Variants in VRK1 observed in about 807,000 individuals in gnomAD.
VRK1 encodes VRK serine/threonine kinase 1, also known as serine/threonine-protein kinase VRK1.
In VRK1, 33 loss-of-function variants were observed where a neutral mutation model predicts 57.1. The ratio of observed to expected loss-of-function variants is 0.58; its 90% confidence interval spans 0.44 to 0.77. The LOEUF is 0.77. VRK1 is among the 30% of genes least tolerant of loss of function. VRK1 has a pLI of 0.00. For missense variants in VRK1, 413 were observed against 477.3 expected (o/e 0.87, Z 1.25); for synonymous variants, 137 against 147.8 (o/e 0.93, Z 0.53).
At position 96,847,415 on chromosome 14, in the gene VRK1, A is replaced by G. The variant is rs967901280; in HGVS notation, c.374+71A>G. 167 of 1,237,770 alleles carry G rather than the reference A, an allele frequency of 1.3e-4. 1 individual carries two copies. The highest frequency in any genetic ancestry group is 3.8e-4 in the Middle Eastern group (2 of 5,278). The allele number at this position is 1,237,770 out of a possible 1,614,324, so 76.7% of individuals were successfully genotyped here. A position where few individuals can be genotyped will look rare whatever the true frequency, so the allele number is the denominator to read the frequency against. On this transcript the variant is annotated intron_variant, in intron 5 of 12. Transcript: ENST00000216639. The stretch of plus-strand genomic sequence containing the variant: ...TCACTATTTAGTTGGTTTAGTCAGT[A>G]ATTATTTACTGATCACTTACAATAT...
intron 1 of VRK1, among the ~76,000 whole-genome samples, chr14:96,822,302 T>C (rs1886634641): frequency 6.6e-6 from 1 of 152,220 alleles, no homozygotes; most frequent in South Asian, 2.1e-4. Flanking sequence ...AGGCAGTATG[T>C]ATTGTAATAA....
chr14:96,846,463 C>T (rs1887698125), intron 4 of VRK1, among the ~76,000 whole-genome samples: 1 of 152,058 alleles, frequency 6.6e-6, no homozygotes, highest in Non-Finnish European at 1.5e-5. Context: ...GGTAGAGAGC[C>T]AGAACCTCTC....
intron 1 of VRK1, among the ~76,000 whole-genome samples, chr14:96,807,216 GA>G (rs979705674): frequency 1.3e-5 from 2 of 152,140 alleles, no homozygotes; most frequent in Non-Finnish European, 2.9e-5. Flanking sequence ...TTAAAGTTTT[GA>G]CCATTAGAAA....
chr14:96,800,651 A>T (rs1054232868), intron 1 of VRK1, among the ~76,000 whole-genome samples: 6 of 152,186 alleles, frequency 3.9e-5, no homozygotes, highest in Non-Finnish European at 7.4e-5. Context: ...AGGTAAGTAT[A>T]TGGATTTTGA....
intron 1 of VRK1, among the ~76,000 whole-genome samples, chr14:96,821,437 T>TAA (rs199852274): frequency 1.3e-5 from 2 of 151,850 alleles, no homozygotes; most frequent in South Asian, 4.2e-4. Flanking sequence ...TGTGTAAAGT[T>TAA]AAAAAAAACA....
chr14:96,878,316 T>A (rs1230263532), intron 12 of VRK1, among the ~76,000 whole-genome samples: 1 of 152,220 alleles, frequency 6.6e-6, no homozygotes, highest in Non-Finnish European at 1.5e-5. Context: ...TTTTTTAATT[T>A]TTAAGATATA....
At chr14:96,807,625 T>C (rs780775916) in intron 1 of VRK1, among the ~76,000 whole-genome samples, 1 of 152,232 alleles carries the variant, frequency 6.6e-6, no homozygotes, top group Non-Finnish European at 1.5e-5. Flanking sequence ...ATTTTATTAA[T>C]ATTAGCTATA....
At chr14:96,829,155 A>C (rs750239895) in intron 1 of VRK1, among the ~76,000 whole-genome samples, 4 of 152,170 alleles carry the variant, frequency 2.6e-5, no homozygotes, top group Non-Finnish European at 4.4e-5. Flanking sequence ...GAGGTTACTC[A>C]TAGTTTACAG....
intron 1 of VRK1, among the ~76,000 whole-genome samples, chr14:96,824,597 G>A (rs751955571): frequency 5.9e-5 from 9 of 151,992 alleles, no homozygotes; most frequent in Non-Finnish European, 1.3e-4. Flanking sequence ...GGCAAGTACA[G>A]ACATTTGGCA....
Position 96,879,369 on chromosome 14 carries a change from C to G in VRK1, c.1160-1808C>G, listed in dbSNP as rs78826398. ...CAGGCAGTAGTAGCCCTTTTAGTTG[C>G]AGTGAGAAACTTTGGATTGAAGGAG... On this transcript the variant is annotated intron_variant, in intron 12 of 12. Transcript: ENST00000216639. Among the ~76,000 whole-genome samples, 1,192 of 152,166 alleles carry G rather than the reference C, an allele frequency of 7.8e-3. 19 individuals carry two copies. Among genetic ancestry groups the G allele is most frequent in the African/African-American group, 0.027 (1,130 of 41,502 alleles).
intron 1 of VRK1, among the ~76,000 whole-genome samples, chr14:96,830,022 C>T (rs1327574988): frequency 1.3e-5 from 2 of 150,998 alleles, no homozygotes; most frequent in African/African-American, 4.9e-5. Flanking sequence ...GTTCATGTTT[C>T]CTTTCTTAGA....
Position 96,860,519 on chromosome 14 carries a change from A to G in VRK1, c.890-38A>G, listed in dbSNP as rs755305119. 4 of 1,574,730 alleles carry G rather than the reference A, an allele frequency of 2.5e-6. No homozygotes were observed. The South Asian group carries it at 3.4e-5, about 13-fold the overall frequency. ...TTTTTTTTAGAGGTTAGAGAGAAAT[A>G]TATTGAAAGTTATAAAATGATTGTG... is the stretch of plus-strand genomic sequence containing the variant. On this transcript the variant is annotated intron_variant, in intron 10 of 12. Coordinates refer to ENST00000216639, the MANE Select transcript of VRK1 (RefSeq NM_003384.3).
intron 1 of VRK1, among the ~76,000 whole-genome samples, chr14:96,814,366 T>G: frequency 6.6e-6 from 1 of 152,168 alleles, no homozygotes; most frequent in East Asian, 1.9e-4. Context: ...CTTGTGGCAG[T>G]TGACAGGGCT....
In VRK1 at chr14:96,855,334, C is replaced by T; in HGVS notation, c.687C>T (p.Ser229=). 6.2e-7 allele frequency: 1 copy of T among 1,614,016 alleles called. No individual in the cohort carries two copies. Among genetic ancestry groups the T allele is most frequent in the Non-Finnish European group, 8.5e-7 (1 of 1,179,930 alleles). The change falls in exon 8 of 13, where the codon AGC becomes AGT. Residue 229 remains serine, a synonymous_variant. Transcript: ENST00000216639. ...ACGATGGCACTATTGAATTCACGAG[C>T]ATCGATGCACACAATGGCGTGGGTA... is the stretch of plus-strand genomic sequence containing the variant. ...RCHDGTIEFT[S]IDAHNGVAPS... is the part of the protein sequence containing the mutation.
rs150002346 is a variant in VRK1, at chr14:96,819,813, A to C, written c.-5-13654A>C. ...AGAGGTCAGGTGAATATGGCGGATG[A>C]GACAAAACTTTGTAGCCCAATTCAT... On this transcript the variant is annotated intron_variant, in intron 1 of 12. Coordinates refer to ENST00000216639, the MANE Select transcript of VRK1 (RefSeq NM_003384.3). Among the ~76,000 whole-genome samples the C allele has an allele frequency of 2.1e-3, 319 of 152,316 alleles. 2 individuals carry two copies. Among genetic ancestry groups the C allele is most frequent in the African/African-American group, 7.3e-3 (303 of 41,552 alleles).
chr14:96,801,501 T>C (rs747117266), intron 1 of VRK1, among the ~76,000 whole-genome samples: 8 of 152,178 alleles, frequency 5.3e-5, no homozygotes, highest in Non-Finnish European at 7.3e-5. Flanking sequence ...TTATTGCAGT[T>C]TACTATGTAA....
chr14:96,834,058 C>T (rs1887118699), intron 2 of VRK1, among the ~76,000 whole-genome samples: 1 of 152,122 alleles, frequency 6.6e-6, no homozygotes. Flanking sequence ...AGCCATCATA[C>T]TGGAACTAGG....
At chr14:96,808,002 CCTCT>C (rs1555357995) in intron 1 of VRK1, among the ~76,000 whole-genome samples, 1 of 118,140 alleles carries the variant, frequency 8.5e-6, no homozygotes, top group Non-Finnish European at 1.7e-5. Context: ...TCCCTCTCTC[CCTCT>C]CTCTCTCCCT....
intron 4 of VRK1, 126 bp from the exon 5 acceptor site, chr14:96,847,131 T>G (rs961309641): frequency 6.9e-6 from 5 of 724,778 alleles, no homozygotes; most frequent in African/African-American, 1.8e-5. Flanking sequence ...ATTCTTCATT[T>G]TCTTTTTTAT....
Sources: gnomAD v4.1 joint callset for allele counts (sites outside exome capture counted in the v4.1 genomes callset) on GRCh38, gnomAD v4.1.1 for gene constraint, MANE v1.5 for transcripts, NCBI Gene and HGNC (gene_info 2026-07-23, HGNC 2026-07-21) for gene names.